The following MOK variants were observed in gnomAD, a reference collection of about 807,000 sequenced individuals.
MOK encodes MAPK/MAK/MRK overlapping kinase.
Under a neutral mutation model 54.2 loss-of-function variants are expected in MOK, and 59 were observed. That is an observed-to-expected ratio of 1.09 (90% CI 0.88 to 1.35). The LOEUF is 1.35. MOK is among the 40% of genes most tolerant of loss of function. The pLI is 0.00. For missense variants in MOK, 517 were observed against 526.2 expected (o/e 0.98, Z 0.17); for synonymous variants, 210 against 202.7 (o/e 1.04, Z -0.31).
intron 4 of MOK, among the ~76,000 whole-genome samples, chr14:102,259,177 T>C (rs1319172380): frequency 6.6e-6 from 1 of 152,222 alleles, no homozygotes; most frequent in Non-Finnish European, 1.5e-5. Flanking sequence ...TGCTGTAAAG[T>C]AGACAATTCA....
chr14:102,233,747 G>C lies in MOK; in HGVS notation c.633C>G (p.Ile211Met). 1 of 1,614,146 alleles carries C rather than the reference G, an allele frequency of 6.2e-7. No individual in the cohort carries two copies. Among genetic ancestry groups the C allele is most frequent in the South Asian group, 1.1e-5 (1 of 91,086 alleles). Residue 211 changes from isoleucine (I) to methionine (M), a missense_variant, in exon 8 of 12, where the codon ATC (isoleucine) becomes ATG (methionine). By Grantham distance (10) the Ile-to-Met change is conservative. Transcript: ENST00000361847. The part of the protein sequence containing the change: ...LFPGVNELDQ[I>M]SKIHDVIGTP... ...TGCCGATGACATCGTGGATTTTTGA[G>C]ATTTGGTCCAGTTCATTTACTCCAG...
intron 1 of MOK, among the ~76,000 whole-genome samples, chr14:102,292,460 A>G (rs1053523241): frequency 2.0e-5 from 3 of 151,960 alleles, no homozygotes; most frequent in African/African-American, 4.8e-5. Context: ...GCAACAGAGC[A>G]AGACTCCATC....
chr14:102,289,379 C>G (rs2070498347), intron 1 of MOK, among the ~76,000 whole-genome samples: 2 of 152,102 alleles, frequency 1.3e-5, no homozygotes. Flanking sequence ...AGAATATGCA[C>G]GTCTACAAAT....
rs143668841 is a variant in MOK, at chr14:102,258,915, A to C, written c.283+4631T>G. ...CCCCGTCTCTACTAAAAGGACAAAA[A>C]ATTAGCCGGACGTGGTGGTGGGCAC... On this transcript the variant is annotated intron_variant, in intron 4 of 11. Transcript: ENST00000361847. 7.0e-3 allele frequency among the ~76,000 whole-genome samples: 1,059 copies of C among 152,182 alleles called. 14 individuals carry two copies. Among genetic ancestry groups the C allele is most frequent in the African/African-American group, 0.024 (1,001 of 41,512 alleles).
At chr14:102,225,217 T>C (rs923547561), downstream of MOK, 3 of 183,304 alleles carry the variant, frequency 1.6e-5, no homozygotes, top group African/African-American at 2.4e-5. Context: ...TGTGCCACCA[T>C]ACCTGGGTAA....
intron 7 of MOK, among the ~76,000 whole-genome samples, chr14:102,243,006 C>T (rs1254234576): frequency 6.6e-6 from 1 of 152,152 alleles, no homozygotes; most frequent in Non-Finnish European, 1.5e-5. Flanking sequence ...GGACAGCCCC[C>T]ATTACTTCAG....
intron 1 of MOK, among the ~76,000 whole-genome samples, chr14:102,294,230 A>G (rs1256066846): frequency 1.3e-5 from 2 of 151,630 alleles, no homozygotes; most frequent in African/African-American, 4.9e-5. Context: ...GCGGATCACG[A>G]GGTCAGGAGA....
At chr14:102,291,933 G>C (rs2070796840) in intron 1 of MOK, among the ~76,000 whole-genome samples, 1 of 151,350 alleles carries the variant, frequency 6.6e-6, no homozygotes, top group Non-Finnish European at 1.5e-5. Context: ...ACTGAAGCCT[G>C]GGCAACAGAG....
At chr14:102,239,312 G>A (rs553291932) in intron 7 of MOK, among the ~76,000 whole-genome samples, 8 of 134,656 alleles carry the variant, frequency 5.9e-5, no homozygotes, top group East Asian at 1.9e-4. Context: ...TCTAGCCAGC[G>A]TCAGAGCCAG....
chr14:102,217,504 T>TTAA, the MOK span, among the ~76,000 whole-genome samples: 1 of 151,874 alleles, frequency 6.6e-6, no homozygotes, highest in Non-Finnish European at 1.5e-5. Flanking sequence ...AGTGGACAGG[T>TTAA]TAAAGCTGGC....
At chr14:102,224,425 G>C, downstream of MOK, 1 of 375,158 alleles carries the variant, frequency 2.7e-6, no homozygotes. Context: ...CGAGTTACTG[G>C]AATCCCAACA....
chr14:102,229,152 CA>C lies in MOK; in HGVS notation c.*136del. 1 of 923,962 alleles carries C rather than the reference CA, an allele frequency of 1.1e-6. No individual in the cohort carries two copies. Among genetic ancestry groups the C allele is most frequent in the Non-Finnish European group, 1.6e-6 (1 of 627,268 alleles). 57.2% of individuals were successfully genotyped at this position (923,962 alleles called of 1,614,324 possible). A position where few individuals can be genotyped will look rare whatever the true frequency, so the allele number is the denominator to read the frequency against. On this transcript the variant is annotated 3_prime_UTR_variant, in exon 12 of 12. Coordinates refer to ENST00000361847, the MANE Select transcript of MOK (RefSeq NM_014226.3). ...GCGGGTGCGGCAGGGCGCAGGGCAG[CA>C]CCCAGAGCCCCGGCCAGCGCGAAAC...
At chr14:102,295,488 G>A (rs1224612095) in intron 1 of MOK, among the ~76,000 whole-genome samples, 1 of 152,208 alleles carries the variant, frequency 6.6e-6, no homozygotes, top group African/African-American at 2.4e-5. Context: ...ACAGGCATCA[G>A]AGCTATGGGG....
At chr14:102,287,375 G>A (rs150578240) in intron 1 of MOK, among the ~76,000 whole-genome samples, 120 of 152,196 alleles carry the variant, frequency 7.9e-4, no homozygotes, top group African/African-American at 2.7e-3. Context: ...AGGCCGAGAC[G>A]GGCAGATCAC....
At chr14:102,223,745 T>G (rs2064137858), downstream of MOK, 1 of 152,234 alleles carries the variant, frequency 6.6e-6, no homozygotes, top group South Asian at 2.1e-4. Flanking sequence ...TGGTATGGAA[T>G]TGTTTTGTCT....
chr14:102,233,427 C>A (rs1332205846), intron 8 of MOK: 6 of 445,808 alleles, frequency 1.3e-5, no homozygotes, highest in South Asian at 2.5e-5. Flanking sequence ...ACTCAGGGAA[C>A]ACAGCCTGAC....
intron 2 of MOK, among the ~76,000 whole-genome samples, chr14:102,276,013 T>C (rs183133731): frequency 1.7e-3 from 262 of 152,304 alleles, no homozygotes; most frequent in African/African-American, 6.2e-3. Context: ...GATACATGAA[T>C]GGCCAATAAG....
chr14:102,267,771 A>G (rs2068033192), intron 2 of MOK, among the ~76,000 whole-genome samples: 1 of 152,104 alleles, frequency 6.6e-6, no homozygotes, highest in South Asian at 2.1e-4. Flanking sequence ...AAGTGTTAGC[A>G]ACTCGCACCC....
At chr14:102,247,877 G>T (rs1597350386) in intron 7 of MOK, among the ~76,000 whole-genome samples, 1 of 152,194 alleles carries the variant, frequency 6.6e-6, no homozygotes, top group African/African-American at 2.4e-5. Context: ...TTTAGTACCT[G>T]GTTTCCATGG....
Sources: allele counts gnomAD v4.1 joint callset (sites outside exome capture counted in the v4.1 genomes callset), GRCh38; gene constraint gnomAD v4.1.1; transcripts MANE v1.5; gene names NCBI Gene and HGNC (gene_info 2026-07-23, HGNC 2026-07-21).